UBXN8: variants seen among roughly 807,000 people sequenced by gnomAD.
The protein encoded by UBXN8 is UBX domain protein 8, also known as UBX domain-containing protein 8.
UBXN8 carries 27 observed loss-of-function variants against 32.1 expected under a neutral mutation model. That is an observed-to-expected ratio of 0.84 (90% CI 0.62 to 1.16). The LOEUF (loss-of-function observed/expected upper bound fraction) is 1.16. Among genes scored for constraint, UBXN8 ranks in the 50% most tolerant of loss-of-function variants. UBXN8 has a pLI of 0.00. For synonymous variants in UBXN8, 109 were observed against 111.8 expected (o/e 0.98, Z 0.16); for missense variants, 306 against 311.4 (o/e 0.98, Z 0.13).
At chr8:30,747,862 G>A (rs1805403773) in intron 1 of UBXN8, among the ~76,000 whole-genome samples, 1 of 128,066 alleles carries the variant, frequency 7.8e-6, no homozygotes, top group Non-Finnish European at 1.6e-5. Flanking sequence ...ACTTTGGGAG[G>A]CCAAGTTTTC....
chr8:30,754,630 G>A, intron 3 of UBXN8, 35 bp from the exon 4 acceptor site: 1 of 1,526,004 alleles, frequency 6.6e-7, no homozygotes, highest in South Asian at 1.3e-5. Flanking sequence ...AACATTAATG[G>A]ATAGTAACAA....
upstream of UBXN8, among the ~76,000 whole-genome samples, chr8:30,742,342 C>G (rs1361593781): frequency 6.6e-6 from 1 of 151,960 alleles, no homozygotes; most frequent in Admixed American, 6.6e-5. Context: ...CCTCTAAAAG[C>G]CTTCATTCAG....
At chr8:30,758,187 C>T (rs1244849225) in intron 5 of UBXN8, among the ~76,000 whole-genome samples, 1 of 152,248 alleles carries the variant, frequency 6.6e-6, no homozygotes, top group East Asian at 1.9e-4. Flanking sequence ...TGAGCCACTG[C>T]GCCCAGCCGA....
intron 5 of UBXN8, among the ~76,000 whole-genome samples, chr8:30,759,646 G>T (rs1805770987): frequency 6.6e-6 from 1 of 150,704 alleles, no homozygotes; most frequent in South Asian, 2.1e-4. Flanking sequence ...GTGACAAAAA[G>T]TTCATATTCA....
chr8:30,754,288 G>T, intron 3 of UBXN8: 1 of 359,274 alleles, frequency 2.8e-6, no homozygotes, highest in South Asian at 2.3e-5. Flanking sequence ...CCAGATTTAA[G>T]ATCTGAAATT....
intron 1 of UBXN8, among the ~76,000 whole-genome samples, chr8:30,749,406 A>T (rs202138118): frequency 1.7e-5 from 2 of 114,406 alleles, no homozygotes; most frequent in African/African-American, 8.2e-5. Flanking sequence ...AAAAAAAAAT[A>T]AAATAAATAA....
chr8:30,762,249 A>T (rs915054910), intron 6 of UBXN8, among the ~76,000 whole-genome samples: 7 of 151,676 alleles, frequency 4.6e-5, no homozygotes, highest in East Asian at 1.9e-4. Flanking sequence ...TTAAAAAAAA[A>T]TTTTTTTTGG....
rs574146481 is a variant in UBXN8, at chr8:30,763,410, A to G, written c.645+63A>G. The stretch of plus-strand genomic sequence containing the variant: ...TTGAATATGGCAGTAGTTTATTCAC[A>G]TGCCGTGGGGGAAGGTGTGATCACA... On this transcript the variant is annotated intron_variant, in intron 7 of 7. Transcript: ENST00000265616. 189 of 1,471,608 alleles carry G rather than the reference A, an allele frequency of 1.3e-4. 3 individuals carry two copies. In the South Asian group the frequency reaches 2.1e-3, roughly 17 times the overall value. 91.2% of individuals were successfully genotyped at this position (1,471,608 alleles called of 1,614,324 possible).
chr8:30,730,255 A>G (rs1455965964), upstream of UBXN8, among the ~76,000 whole-genome samples: 2 of 152,194 alleles, frequency 1.3e-5, no homozygotes, highest in African/African-American at 4.8e-5. Context: ...ATAGATGAGG[A>G]TGGGCACATG....
intron 1 of UBXN8, among the ~76,000 whole-genome samples, chr8:30,735,018 ATAAT>A (rs2128751698): frequency 6.6e-6 from 1 of 152,366 alleles, no homozygotes; most frequent in Non-Finnish European, 1.5e-5. Flanking sequence ...TAATAAACCC[ATAAT>A]TAATTTGTAT....
chr8:30,743,772 A>G (rs1273592480), upstream of UBXN8, among the ~76,000 whole-genome samples: 3 of 152,190 alleles, frequency 2.0e-5, no homozygotes, highest in Non-Finnish European at 2.9e-5. Context: ...GGAAGGTGTT[A>G]TAGCCCACAT....
At chr8:30,761,086 G>T (rs1224194890) in intron 6 of UBXN8, among the ~76,000 whole-genome samples, 157 bp downstream of exon 6, 1 of 152,098 alleles carries the variant, frequency 6.6e-6, no homozygotes, top group African/African-American at 2.4e-5. Context: ...AGAACATAGA[G>T]ACAGGGTCTC....
intron 2 of UBXN8, among the ~76,000 whole-genome samples, chr8:30,752,142 G>C: frequency 6.6e-6 from 1 of 152,186 alleles, no homozygotes; most frequent in Admixed American, 6.5e-5. Context: ...CGCCCACCTC[G>C]GCCTCCCGAT....
intron 7 of UBXN8, among the ~76,000 whole-genome samples, chr8:30,764,213 A>G (rs567017820): frequency 1.9e-4 from 29 of 152,364 alleles, no homozygotes; most frequent in African/African-American, 5.8e-4. Flanking sequence ...TTAACCTTCA[A>G]TGACAAGAAT....
chr8:30,765,257 A>G (rs1805967231), intron 7 of UBXN8, among the ~76,000 whole-genome samples: 1 of 151,870 alleles, frequency 6.6e-6, no homozygotes, highest in South Asian at 2.1e-4. Context: ...AGTGTTCCTG[A>G]CAGATAATTT....
chr8:30,731,909 T>C (rs1436955573), upstream of UBXN8, among the ~76,000 whole-genome samples: 2 of 152,130 alleles, frequency 1.3e-5, no homozygotes, highest in Non-Finnish European at 2.9e-5. Flanking sequence ...TACAGGCTGG[T>C]ACAGGATTTG....
chr8:30,748,865 T>C (rs563350388), intron 1 of UBXN8, among the ~76,000 whole-genome samples: 3 of 152,306 alleles, frequency 2.0e-5, no homozygotes, highest in South Asian at 4.1e-4. Flanking sequence ...TCTGATTCCT[T>C]CTTTAAGTTT....
At chr8:30,743,671 A>AT (rs752400477), upstream of UBXN8, among the ~76,000 whole-genome samples, 47 of 152,206 alleles carry the variant, frequency 3.1e-4, no homozygotes, top group Non-Finnish European at 6.5e-4. Flanking sequence ...GGGGGCAGGT[A>AT]TTTGGAGCCA....
Position 30,753,034 on chromosome 8 carries a change from G to A in UBXN8, c.212-1G>A. ...AGCACTTTTATGTTTTGATGTCTTA[G>A]AAGAAGAAGAAAAGAATGAGAAAAG... is the stretch of plus-strand genomic sequence containing the variant. On this transcript the variant is annotated splice_acceptor_variant, in intron 2 of 7. Transcript: ENST00000265616. LOFTEE classifies it high-confidence loss of function. 1 of 1,515,646 alleles carries A rather than the reference G, an allele frequency of 6.6e-7. No individual in the cohort carries two copies. Among genetic ancestry groups the A allele is most frequent in the Non-Finnish European group, 8.8e-7 (1 of 1,133,654 alleles). The allele number at this position is 1,515,646 out of a possible 1,614,324, so 93.9% of individuals were successfully genotyped here. A position where few individuals can be genotyped will look rare whatever the true frequency, so the allele number is the denominator to read the frequency against.
Sources: gnomAD v4.1 joint callset for allele counts (sites outside exome capture counted in the v4.1 genomes callset) on GRCh38, gnomAD v4.1.1 for gene constraint, MANE v1.5 for transcripts, NCBI Gene and HGNC (gene_info 2026-07-23, HGNC 2026-07-21) for gene names.